SNX29: variants seen among roughly 807,000 people sequenced by gnomAD.
SNX29 encodes the protein sorting nexin-29.
A neutral mutation model predicts 102.1 loss-of-function variants in SNX29; 78 were observed. The observed-to-expected ratio is 0.76, with a 90% CI of 0.64 to 0.92. The LOEUF is 0.92. SNX29 is among the 40% of genes least tolerant of loss of function. The pLI is 0.00. For synonymous variants in SNX29, 580 were observed against 414.5 expected (o/e 1.40, Z -4.85); for missense variants, 1,280 against 1,061.7 (o/e 1.21, Z -2.86).
intron 20 of SNX29, among the ~76,000 whole-genome samples, chr16:12,529,154 C>T (rs1762836419): frequency 1.3e-5 from 2 of 152,194 alleles, no homozygotes; most frequent in Admixed American, 6.5e-5. Context: ...AATGCCAGCT[C>T]TGAATTGGAA....
At chr16:12,567,902 G>A (rs1244480779) in intron 20 of SNX29, among the ~76,000 whole-genome samples, 1 of 152,094 alleles carries the variant, frequency 6.6e-6, no homozygotes, top group East Asian at 1.9e-4. Flanking sequence ...CCAGACCCAT[G>A]CCCTGGGACC....
intron 18 of SNX29, among the ~76,000 whole-genome samples, chr16:12,442,054 A>G (rs2085832234): frequency 6.6e-6 from 1 of 152,140 alleles, no homozygotes; most frequent in Admixed American, 6.5e-5. Flanking sequence ...TGCTGGGATT[A>G]CAGGTGTGAG....
chr16:12,557,674 TTGA>T (rs1044375596), intron 20 of SNX29: 9 of 152,204 alleles, frequency 5.9e-5, no homozygotes, highest in African/African-American at 2.2e-4. Context: ...AAAAATCTTT[TTGA>T]TGAGTGGCAG....
At chr16:12,192,466 T>A (rs1479071152) in intron 13 of SNX29, among the ~76,000 whole-genome samples, 3 of 152,180 alleles carry the variant, frequency 2.0e-5, no homozygotes, top group Non-Finnish European at 1.5e-5. Context: ...TTCCATTTGC[T>A]TTTTCCACAT....
chr16:12,252,927 C>A (rs545641841), intron 14 of SNX29, among the ~76,000 whole-genome samples: 2 of 152,222 alleles, frequency 1.3e-5, no homozygotes, highest in Admixed American at 6.5e-5. Flanking sequence ...ACTCCTTCAT[C>A]GCAAGCCATC....
intron 11 of SNX29, chr16:12,087,808 CCA>C (rs1304972086): frequency 6.6e-6 from 3 of 455,720 alleles, no homozygotes; most frequent in Non-Finnish European, 8.8e-6. Flanking sequence ...GCTTCCATAT[CCA>C]GCTGTATCCT....
rs183842303 is a variant in SNX29 at position 12,540,658 on chromosome 16, A to C, written c.2318+15817A>C. Among the ~76,000 whole-genome samples, 81 of 152,298 alleles carry C rather than the reference A, an allele frequency of 5.3e-4. 1 individual carries two copies. Among genetic ancestry groups the C allele is most frequent in the African/African-American group, 1.9e-3 (78 of 41,558 alleles). On this transcript the variant is annotated intron_variant, in intron 20 of 20. Coordinates refer to ENST00000566228, the MANE Select transcript of SNX29 (RefSeq NM_032167.5). ...TCATCTCCCCATCTCAAAAGCCTGA[A>C]TGTAACCACAGCTGCTGGTCCCTCT...
chr16:12,520,773 TA>T (rs34259125), intron 19 of SNX29, among the ~76,000 whole-genome samples: 95,523 of 151,954 alleles, frequency 0.63, 33,133 homozygotes, highest in East Asian at 1. Flanking sequence ...TACAGAGTGA[TA>T]ATAATGGACT....
In SNX29 at chr16:12,492,539, A is replaced by G. The variant is rs1379906918; in HGVS notation, c.2178+14680A>G. 2.0e-5 allele frequency among the ~76,000 whole-genome samples: 3 copies of G among 151,932 alleles called. No individual in the cohort carries two copies. The East Asian group carries it at 5.8e-4, about 29-fold the overall frequency. ...TGCAGAAGCTCTTTAGTTTAATTAG[A>G]TCCCATTTGTCAATTTTGGCTTTTG... On this transcript the variant is annotated intron_variant, in intron 19 of 20. Transcript: ENST00000566228.
intron 1 of SNX29, among the ~76,000 whole-genome samples, chr16:11,985,661 G>A (rs1415288422): frequency 6.6e-6 from 1 of 152,224 alleles, no homozygotes; most frequent in East Asian, 1.9e-4. Flanking sequence ...GGAGCCTGTG[G>A]CTGGGAGTCC....
intron 13 of SNX29, among the ~76,000 whole-genome samples, chr16:12,164,989 TATTC>T (rs1342557559): frequency 1.3e-5 from 2 of 152,126 alleles, no homozygotes; most frequent in Non-Finnish European, 2.9e-5. Context: ...CACCCGGCCT[TATTC>T]ATGCCTTTTT....
In SNX29 at chr16:12,294,646, G is replaced by T. The variant is rs113932437; in HGVS notation, c.1782+16610G>T. 7.4e-3 allele frequency among the ~76,000 whole-genome samples: 1,128 copies of T among 152,278 alleles called. 17 individuals carry two copies. Among genetic ancestry groups the T allele is most frequent in the African/African-American group, 0.026 (1,064 of 41,546 alleles). ...TTGCCTATGCTCAGCGGGGAGCACA[G>T]TTCCTCTCTGGGTAGGTTCAGGTCC... On this transcript the variant is annotated intron_variant, in intron 15 of 20. Coordinates refer to ENST00000566228, the MANE Select transcript of SNX29 (RefSeq NM_032167.5).
intron 13 of SNX29, among the ~76,000 whole-genome samples, chr16:12,177,368 C>G (rs141023054): frequency 6.6e-6 from 1 of 152,106 alleles, no homozygotes. Context: ...TGGGCTGGAT[C>G]GTTAGCATTC....
At chr16:12,160,886 T>C (rs968594227) in intron 13 of SNX29, among the ~76,000 whole-genome samples, 2 of 152,234 alleles carry the variant, frequency 1.3e-5, no homozygotes, top group African/African-American at 4.8e-5. Flanking sequence ...CTTTCTCTTT[T>C]GGGTCTGAAA....
chr16:12,115,286 G>A (rs186026532), intron 11 of SNX29, among the ~76,000 whole-genome samples: 3 of 152,076 alleles, frequency 2.0e-5, no homozygotes, highest in Admixed American at 1.3e-4. Flanking sequence ...TCCTCCACAA[G>A]TACCGAAGGA....
At chr16:12,369,080 A>T (rs1298102750) in intron 16 of SNX29, among the ~76,000 whole-genome samples, 1 of 151,994 alleles carries the variant, frequency 6.6e-6, no homozygotes. Flanking sequence ...CACAGGGAGT[A>T]ATCTCAAGAC....
In SNX29 at chr16:12,047,700, C is replaced by T. The variant is rs147695818; in HGVS notation, c.500-672C>T. On this transcript the variant is annotated intron_variant, in intron 6 of 20. Coordinates refer to ENST00000566228, the MANE Select transcript of SNX29 (RefSeq NM_032167.5). The stretch of plus-strand genomic sequence containing the variant: ...GAGACGGAGTTTCACTCTCGTTGCC[C>T]AGGCTGGAGTGCAATGGCAGGATCT... Among the ~76,000 whole-genome samples, 627 of 149,596 alleles carry T rather than the reference C, an allele frequency of 4.2e-3. 7 individuals carry two copies. Among genetic ancestry groups the T allele is most frequent in the African/African-American group, 0.014 (585 of 40,510 alleles).
rs2054224386 is a variant in SNX29, at chr16:12,126,623, C to T, written c.1403-10C>T. ...TGCCAATTAATCTTGACTTTGTTTT[C>T]TTCCCTTAGGTGAACTGCGCCAGGC... On this transcript the variant is annotated splice_polypyrimidine_tract_variant and intron_variant, in intron 11 of 20. Transcript: ENST00000566228. 1 of 1,613,796 alleles carries T rather than the reference C, an allele frequency of 6.2e-7. No homozygotes were observed. The highest frequency in any genetic ancestry group is 8.5e-7 in the Non-Finnish European group (1 of 1,179,790).
In SNX29 at chr16:12,571,591, G is replaced by A. The variant is rs544471580; in HGVS notation, c.*2962G>A. ...TTCTGTCTTCATGGCCTGCTGTGCTGAAACAGAACAGCAGGTTCCATCTTT... is the reference window on the plus strand; with the variant it reads ...TTCTGTCTTCATGGCCTGCTGTGCTAAAACAGAACAGCAGGTTCCATCTTT... On this transcript the variant is annotated 3_prime_UTR_variant, in exon 21 of 21. Transcript: ENST00000566228. 2.4e-5 allele frequency: 25 copies of A among 1,059,146 alleles called. No homozygotes were observed. In the South Asian group the frequency reaches 9.1e-4, roughly 39 times the overall value. The allele number at this position is 1,059,146 out of a possible 1,614,324, so 65.6% of individuals were successfully genotyped here.
Sources: allele counts gnomAD v4.1 joint callset (sites outside exome capture counted in the v4.1 genomes callset), GRCh38; gene constraint gnomAD v4.1.1; transcripts MANE v1.5; gene names NCBI Gene and HGNC (gene_info 2026-07-23, HGNC 2026-07-21).